Variants in LIN7A observed in about 807,000 individuals in gnomAD.
The protein encoded by LIN7A is lin-7 cell polarity scaffold A, also known as protein lin-7 homolog A.
A neutral mutation model predicts 29.8 loss-of-function variants in LIN7A; 25 were observed. The ratio of observed to expected loss-of-function variants is 0.84; its 90% CI spans 0.61 to 1.17. The LOEUF is 1.17. Ranked by LOEUF, LIN7A falls within the 50% of genes most tolerant of loss-of-function variation. The probability of loss-of-function intolerance (pLI) is 0.00; values close to 1 mark genes in which losing one functional copy is unlikely to be tolerated. For synonymous variants in LIN7A, 118 were observed against 107.5 expected (o/e 1.10, Z -0.60); for missense variants, 239 against 287.0 (o/e 0.83, Z 1.21).
chr12:80,845,974 T>A, intron 3 of LIN7A, 35 bp from the exon 4 acceptor site: 6 of 1,550,582 alleles, frequency 3.9e-6, no homozygotes, highest in Non-Finnish European at 5.2e-6. Context: ...CTTTTGGTAA[T>A]AAAATGAGGG....
intron 1 of LIN7A, among the ~76,000 whole-genome samples, chr12:80,902,864 G>T (rs892125459): frequency 2.6e-5 from 4 of 151,424 alleles, no homozygotes; most frequent in African/African-American, 9.7e-5. Context: ...TCTTTCTTTT[G>T]CCTGTTGCTC....
intron 1 of LIN7A, among the ~76,000 whole-genome samples, chr12:80,931,094 A>G (rs1877874250): frequency 6.6e-6 from 1 of 152,140 alleles, no homozygotes; most frequent in Admixed American, 6.5e-5. Context: ...AATACCCAGG[A>G]CACCTTCCTG....
intron 3 of LIN7A, among the ~76,000 whole-genome samples, chr12:80,847,940 AGATCAGAAGAATG>A (rs1274050799): frequency 2.6e-5 from 4 of 152,200 alleles, no homozygotes; most frequent in Non-Finnish European, 5.9e-5. Flanking sequence ...AGGTTCTTTC[AGATCAGAAGAATG>A]TGTCTGAAAA....
intron 2 of LIN7A, among the ~76,000 whole-genome samples, chr12:80,887,391 C>T (rs117594123): frequency 6.6e-6 from 1 of 152,244 alleles, no homozygotes; most frequent in Non-Finnish European, 1.5e-5. Flanking sequence ...CAGGTCAGAA[C>T]TCTCCAGAGG....
intron 5 of LIN7A, among the ~76,000 whole-genome samples, chr12:80,806,764 A>G (rs1308154845): frequency 6.6e-6 from 1 of 152,236 alleles, no homozygotes; most frequent in Non-Finnish European, 1.5e-5. Flanking sequence ...TAAAAATCAA[A>G]TTAATTAAAA....
chr12:80,868,500 G>A (rs1874254832), intron 2 of LIN7A, among the ~76,000 whole-genome samples: 1 of 152,156 alleles, frequency 6.6e-6, no homozygotes, highest in African/African-American at 2.4e-5. Flanking sequence ...CCTGGGAGGT[G>A]GAGGTTGCAG....
chr12:80,839,080 G>C (rs751471181), intron 4 of LIN7A, among the ~76,000 whole-genome samples: 2 of 152,132 alleles, frequency 1.3e-5, no homozygotes, highest in Non-Finnish European at 2.9e-5. Flanking sequence ...ACTTTTTAAA[G>C]GTCAAAGTCT....
At chr12:80,827,309 C>T (rs1439853120) in intron 4 of LIN7A, among the ~76,000 whole-genome samples, 1 of 152,076 alleles carries the variant, frequency 6.6e-6, no homozygotes, top group Non-Finnish European at 1.5e-5. Flanking sequence ...ATGGCGTGAA[C>T]CCGGGAGGCG....
At chr12:80,864,597 C>T (rs1874046296) in intron 2 of LIN7A, among the ~76,000 whole-genome samples, 1 of 152,076 alleles carries the variant, frequency 6.6e-6, no homozygotes, top group African/African-American at 2.4e-5. Context: ...CGGCTTGTCT[C>T]AAGTAGCAGA....
rs1870479936 is a variant in LIN7A, at chr12:80,797,006, TTAA to T, written c.*718_*720del. On this transcript the variant is annotated 3_prime_UTR_variant, in exon 6 of 6. Coordinates refer to ENST00000552864, the MANE Select transcript of LIN7A (RefSeq NM_004664.4). ...AAATATACATTATACTCTGTTGGAATTAATAATAATAGATACAAGCAATAATTA... is the reference window on the plus strand; with the variant it reads ...AAATATACATTATACTCTGTTGGAATTAATAATAGATACAAGCAATAATTA... 1.3e-5 allele frequency: 2 copies of T among 152,098 alleles called. No individual in the cohort carries two copies. The highest frequency in any genetic ancestry group is 2.9e-5 in the Non-Finnish European group (2 of 68,026). The allele number at this position is 152,098 out of a possible 1,614,324, so 9.4% of individuals were successfully genotyped here.
At chr12:80,842,850 C>T (rs1260326906) in intron 4 of LIN7A, among the ~76,000 whole-genome samples, 1 of 152,090 alleles carries the variant, frequency 6.6e-6, no homozygotes, top group African/African-American at 2.4e-5. Flanking sequence ...ACATAACTTA[C>T]TTTTAAACAG....
intron 5 of LIN7A, among the ~76,000 whole-genome samples, chr12:80,800,819 C>G (rs1592842473): frequency 6.6e-6 from 1 of 151,878 alleles, no homozygotes; most frequent in East Asian, 1.9e-4. Context: ...AACTACAGAC[C>G]AATATCTCTC....
chr12:80,794,716 T>A lies in LIN7A; in HGVS notation c.*3011A>T, dbSNP rs141939598. 23 of 152,312 alleles carry A rather than the reference T, an allele frequency of 1.5e-4. No individual in the cohort carries two copies. Among genetic ancestry groups the A allele is most frequent in the African/African-American group, 5.5e-4 (23 of 41,584 alleles). The allele number at this position is 152,312 out of a possible 1,614,324, so 9.4% of individuals were successfully genotyped here. ...GTATTGTCTTAAAAGACTGTGATTG[T>A]TCACATAACTGGAGAATTCCCTATT... On this transcript the variant is annotated 3_prime_UTR_variant, in exon 6 of 6. Coordinates refer to ENST00000552864, the MANE Select transcript of LIN7A (RefSeq NM_004664.4).
intron 2 of LIN7A, among the ~76,000 whole-genome samples, chr12:80,873,442 A>T (rs1273956788): frequency 2.0e-5 from 3 of 151,702 alleles, no homozygotes; most frequent in African/African-American, 7.3e-5. Context: ...CTGAGGTAGG[A>T]GGACTGCTTG....
intron 2 of LIN7A, among the ~76,000 whole-genome samples, chr12:80,872,261 C>G (rs1052772646): frequency 1.3e-5 from 2 of 152,100 alleles, no homozygotes; most frequent in East Asian, 3.8e-4. Context: ...AATTCTATTA[C>G]TTGCAGTCCT....
intron 1 of LIN7A, among the ~76,000 whole-genome samples, chr12:80,923,454 T>G (rs532639487): frequency 1.3e-5 from 2 of 152,232 alleles, no homozygotes; most frequent in Non-Finnish European, 2.9e-5. Context: ...TTTTGCCTTT[T>G]GTACTAAGAA....
At chr12:80,824,454 T>C (rs1871962631) in intron 4 of LIN7A, among the ~76,000 whole-genome samples, 1 of 151,952 alleles carries the variant, frequency 6.6e-6, no homozygotes, top group Non-Finnish European at 1.5e-5. Context: ...GAAGAATTGG[T>C]ACCAATCTTA....
At chr12:80,890,573 T>TA (rs1045734709) in intron 1 of LIN7A, among the ~76,000 whole-genome samples, 12 of 152,256 alleles carry the variant, frequency 7.9e-5, no homozygotes, top group Admixed American at 5.9e-4. Flanking sequence ...AGCATAGGTG[T>TA]AAGTATCTAA....
intron 4 of LIN7A, among the ~76,000 whole-genome samples, chr12:80,842,989 A>G (rs1473130191): frequency 1.1e-4 from 17 of 152,120 alleles, no homozygotes; most frequent in Non-Finnish European, 2.5e-4. Context: ...TGGAAAGATA[A>G]TACTCTAGAG....
Sources: gnomAD v4.1 joint callset for allele counts (sites outside exome capture counted in the v4.1 genomes callset) on GRCh38, gnomAD v4.1.1 for gene constraint, MANE v1.5 for transcripts, NCBI Gene and HGNC (gene_info 2026-07-23, HGNC 2026-07-21) for gene names.